USP45: variants seen among roughly 807,000 people sequenced by gnomAD.
USP45 encodes the protein ubiquitin specific peptidase 45, also known as ubiquitin carboxyl-terminal hydrolase 45.
USP45 carries 89 observed loss-of-function variants against 95.8 expected under a neutral mutation model. The ratio of observed to expected loss-of-function variants is 0.93; its 90% CI spans 0.78 to 1.11. USP45 has a LOEUF of 1.11. USP45 is among the 50% of genes least tolerant of loss of function. The pLI is 0.00. For missense variants in USP45, 898 were observed against 942.5 expected (o/e 0.95, Z 0.62); for synonymous variants, 281 against 316.2 (o/e 0.89, Z 1.18).
At chr6:99,453,034 G>C in intron 13 of USP45, among the ~76,000 whole-genome samples, 1 of 152,062 alleles carries the variant, frequency 6.6e-6, no homozygotes, top group East Asian at 1.9e-4. Context: ...TTGTGGGGTG[G>C]CGGGAGCAGG....
chr6:99,503,716 T>G (rs779483801), intron 5 of USP45, 49 bp downstream of exon 5: 11 of 1,252,480 alleles, frequency 8.8e-6, no homozygotes, highest in Non-Finnish European at 1.2e-5. Context: ...GAACTCTATA[T>G]GAAATACTGT....
intron 16 of USP45, among the ~76,000 whole-genome samples, chr6:99,437,650 T>A (rs1470434506): frequency 6.6e-6 from 1 of 152,132 alleles, no homozygotes; most frequent in Non-Finnish European, 1.5e-5. Flanking sequence ...CAGGGATGTT[T>A]CTTTTTTTCT....
chr6:99,439,453 T>A (rs1023927062), intron 16 of USP45, among the ~76,000 whole-genome samples: 5 of 152,154 alleles, frequency 3.3e-5, no homozygotes, highest in Non-Finnish European at 7.3e-5. Flanking sequence ...ATTAAACAGT[T>A]CACAAGGAAC....
At chr6:99,472,485 G>C (rs1309062370) in intron 9 of USP45, among the ~76,000 whole-genome samples, 3 of 151,870 alleles carry the variant, frequency 2.0e-5, no homozygotes, top group Non-Finnish European at 4.4e-5. Flanking sequence ...CAAACTGCTG[G>C]GATTACAGGA....
rs1787428319 is a variant in USP45, at chr6:99,464,592, T to C, written c.1308+12A>G. ...TAAAAAACAGACGTCTAACAGATGCTTATGGTCTTACCTTATCTTTAGATG... is the reference window on the plus strand; with the variant it reads ...TAAAAAACAGACGTCTAACAGATGCCTATGGTCTTACCTTATCTTTAGATG... On this transcript the variant is annotated intron_variant, in intron 13 of 17. Transcript: ENST00000500704. 6.2e-7 allele frequency: 1 copy of C among 1,602,408 alleles called. No homozygotes were observed. Among genetic ancestry groups the C allele is most frequent in the Non-Finnish European group, 8.5e-7 (1 of 1,177,016 alleles).
At chr6:99,494,324 A>G (rs144103019) in intron 5 of USP45, among the ~76,000 whole-genome samples, 293 of 152,322 alleles carry the variant, frequency 1.9e-3, no homozygotes, top group Admixed American at 5.5e-3. Context: ...TCGGCACTTT[A>G]AAGTTTTTAA....
chr6:99,462,566 T>C (rs1316887661), intron 13 of USP45: 5 of 985,314 alleles, frequency 5.1e-6, no homozygotes, highest in Non-Finnish European at 6.0e-6. Flanking sequence ...ATAAAGCATA[T>C]GCTCAAATTG....
Position 99,508,760 on chromosome 6 carries a change from T to C in USP45, c.123A>G (p.Val41=), listed in dbSNP as rs895884404. 10 of 1,611,446 alleles carry C rather than the reference T, an allele frequency of 6.2e-6. No individual in the cohort carries two copies. The highest frequency in any genetic ancestry group is 1.3e-5 in the African/African-American group (1 of 74,988). The change falls in exon 3 of 18, where the codon GTA becomes GTG. Residue 41 remains valine, a synonymous_variant. Coordinates refer to ENST00000500704, the MANE Select transcript of USP45 (RefSeq NM_001346022.3). The part of the protein sequence containing the change: ...DIAVGLTCQH[V]SHAISVNHVK... ...CATGATTCACGCTGATAGCATGACT[T>C]ACATGTTGGCAAGTTAAACCTACTG... is the stretch of plus-strand genomic sequence containing the variant.
intron 9 of USP45, among the ~76,000 whole-genome samples, chr6:99,469,484 ATATT>A (rs1223778097): frequency 0.015 from 128 of 8,816 alleles, no homozygotes; most frequent in Admixed American, 0.045. Context: ...ATATATATAT[ATATT>A]TTTTTTTTTT....
intron 13 of USP45, among the ~76,000 whole-genome samples, chr6:99,459,637 C>T (rs1410326545): frequency 6.6e-6 from 1 of 152,098 alleles, no homozygotes; most frequent in African/African-American, 2.4e-5. Context: ...TGCAGCCTCG[C>T]CAGCATTTAT....
chr6:99,447,566 GC>G (rs35122730), intron 13 of USP45, among the ~76,000 whole-genome samples: 1 of 152,220 alleles, frequency 6.6e-6, no homozygotes, highest in Non-Finnish European at 1.5e-5. Flanking sequence ...ACTGGGTGGA[GC>G]CCACCACAGC....
chr6:99,511,501 T>G (rs1483514371), intron 1 of USP45, among the ~76,000 whole-genome samples: 1 of 151,740 alleles, frequency 6.6e-6, no homozygotes, highest in Non-Finnish European at 1.5e-5. Flanking sequence ...CAGGCTGGAG[T>G]GCAGTGGCCT....
intron 5 of USP45, among the ~76,000 whole-genome samples, chr6:99,494,514 T>TAA (rs904034029): frequency 6.7e-6 from 1 of 149,108 alleles, no homozygotes; most frequent in Non-Finnish European, 1.5e-5. Context: ...CTAAGAACTT[T>TAA]AAAAAAAAAA....
Position 99,514,450 on chromosome 6 carries a change from C to A in USP45, c.-11+942G>T, listed in dbSNP as rs139085957. 1.1e-4 allele frequency among the ~76,000 whole-genome samples: 17 copies of A among 152,330 alleles called. No homozygotes were observed. In the East Asian group the frequency reaches 3.3e-3, roughly 29 times the overall value. On this transcript the variant is annotated intron_variant, in intron 1 of 17. Coordinates refer to ENST00000500704, the MANE Select transcript of USP45 (RefSeq NM_001346022.3). ...AACAAGCACCAACATTGCAAGCAGT[C>A]CTTTCTAAGGATAGCAGTCTTAAGG...
intron 13 of USP45, chr6:99,461,295 AAAG>A (rs1471142343): frequency 1.0e-6 from 1 of 985,178 alleles, no homozygotes; most frequent in Non-Finnish European, 1.2e-6. Context: ...TGGGGAGGGG[AAAG>A]AAGGGAAGAA....
chr6:99,466,022 G>GTT (rs1021085728), intron 11 of USP45, among the ~76,000 whole-genome samples: 1 of 146,208 alleles, frequency 6.8e-6, no homozygotes, highest in Admixed American at 6.8e-5. Flanking sequence ...ATTGGAATTA[G>GTT]TTTTTTTTTT....
At chr6:99,511,529 G>A (rs1310264467) in intron 1 of USP45, among the ~76,000 whole-genome samples, 1 of 151,478 alleles carries the variant, frequency 6.6e-6, no homozygotes, top group Non-Finnish European at 1.5e-5. Context: ...GCTCACTGCA[G>A]CCTCAACCTC....
chr6:99,488,820 C>A lies in USP45; in HGVS notation c.479G>T (p.Ser160Ile). Residue 160 changes from serine (S) to isoleucine (I), a missense_variant and splice_region_variant, in exon 6 of 18, where the codon AGT becomes ATT. Coordinates refer to ENST00000500704, the MANE Select transcript of USP45 (RefSeq NM_001346022.3). ...LQKHASKTQT[S>I]AFSRIMKLCE... Reference sequence around the variant, plus strand: ...AAGTTTCATGATTCTAGAAAATGCACCTACAAGTTAGAGAAAAAATAACTG... The same window carrying A: ...AAGTTTCATGATTCTAGAAAATGCAACTACAAGTTAGAGAAAAAATAACTG... The A allele has an allele frequency of 6.4e-7, 1 of 1,563,128 alleles. No homozygotes were observed. Among genetic ancestry groups the A allele is most frequent in the Non-Finnish European group, 8.6e-7 (1 of 1,159,856 alleles).
intron 8 of USP45, among the ~76,000 whole-genome samples, chr6:99,477,533 G>A (rs562914692): frequency 1.1e-4 from 16 of 152,146 alleles, no homozygotes; most frequent in African/African-American, 3.1e-4. Flanking sequence ...GGCTGGTCTC[G>A]AACTCCTGAC....
Sources: gnomAD v4.1 joint callset for allele counts (sites outside exome capture counted in the v4.1 genomes callset) on GRCh38, gnomAD v4.1.1 for gene constraint, MANE v1.5 for transcripts, NCBI Gene and HGNC (gene_info 2026-07-23, HGNC 2026-07-21) for gene names.